Variants in TMBIM1 observed in about 807,000 individuals in gnomAD.
TMBIM1 encodes the protein transmembrane BAX inhibitor motif containing 1, also known as protein lifeguard 3.
TMBIM1 carries 34 observed loss-of-function variants against 45.1 expected under a neutral mutation model. The ratio of observed to expected loss-of-function variants is 0.75; its 90% CI spans 0.57 to 1.00. TMBIM1 has a LOEUF of 1.00. TMBIM1 is among the 50% of genes least tolerant of loss of function. The probability of loss-of-function intolerance (pLI) is 0.00; values close to 1 mark genes in which losing one functional copy is unlikely to be tolerated. For synonymous variants in TMBIM1, 157 were observed against 153.5 expected, an observed-to-expected ratio of 1.02 and a Z score of -0.17; for missense variants, 374 against 402.4, an observed-to-expected ratio of 0.93 and a Z score of 0.60.
At chr2:218,276,885 G>A (rs1459161837) in intron 10 of TMBIM1, 119 bp downstream of exon 10, 4 of 773,842 alleles carry the variant, frequency 5.2e-6, no homozygotes, top group South Asian at 1.6e-5. Flanking sequence ...CTAGCCAGTC[G>A]AGAGGTTCTG....
At position 218,275,308 on chromosome 2, in the gene TMBIM1, C is replaced by A; in HGVS notation, c.*167G>T. 1.2e-6 allele frequency: 1 copy of A among 846,012 alleles called. No individual in the cohort carries two copies. Among genetic ancestry groups the A allele is most frequent in the Admixed American group, 3.4e-5 (1 of 29,156 alleles). The allele number at this position is 846,012 out of a possible 1,614,324, so 52.4% of individuals were successfully genotyped here. A position where few individuals can be genotyped will look rare whatever the true frequency, so the allele number is the denominator to read the frequency against. ...AGCTCCTCCGTCCCCACCAAGTACCCACACATCCATAGCCAGAGAGGCCAC... is the reference window on the plus strand; with the variant it reads ...AGCTCCTCCGTCCCCACCAAGTACCAACACATCCATAGCCAGAGAGGCCAC... On this transcript the variant is annotated 3_prime_UTR_variant, in exon 12 of 12. Transcript: ENST00000258412.
At chr2:218,276,901 C>A in intron 10 of TMBIM1, 103 bp downstream of exon 10, 1 of 932,128 alleles carries the variant, frequency 1.1e-6, no homozygotes, top group South Asian at 1.4e-5. Flanking sequence ...TTCTGGAGGT[C>A]AGAGCCTGCC....
rs756427714 is a variant in TMBIM1 at position 218,277,118 on chromosome 2, G to A, written c.640-19C>T. 6.2e-7 allele frequency: 1 copy of A among 1,609,080 alleles called. No individual in the cohort carries two copies. The highest frequency in any genetic ancestry group is 8.5e-7 in the Non-Finnish European group (1 of 1,175,666). On this transcript the variant is annotated intron_variant, in intron 9 of 11. Coordinates refer to ENST00000258412, the MANE Select transcript of TMBIM1 (RefSeq NM_022152.6). ...AGTCCACCTGCCAGGAAGCAAGAAA[G>A]AGGCACCTGTCAGATGGCTGTGACA...
chr2:218,281,671 G>T (rs944473746), intron 2 of TMBIM1, among the ~76,000 whole-genome samples: 1 of 152,110 alleles, frequency 6.6e-6, no homozygotes, highest in Non-Finnish European at 1.5e-5. Flanking sequence ...TCATTACTTG[G>T]CCCAGCCCCA....
chr2:218,291,399 T>A (rs1692917066), intron 1 of TMBIM1, among the ~76,000 whole-genome samples: 1 of 152,198 alleles, frequency 6.6e-6, no homozygotes. Context: ...CTGCCACCAC[T>A]GGCCAGCCCA....
intron 3 of TMBIM1, 29 bp from the exon 4 acceptor site, chr2:218,279,382 C>T (rs375847815): frequency 2.6e-6 from 4 of 1,528,594 alleles, no homozygotes; most frequent in East Asian, 2.3e-5. Context: ...GCATGGGTCA[C>T]CATCCGGCAC....
At chr2:218,277,192 T>G (rs1691306637) in intron 9 of TMBIM1, 93 bp from the exon 10 acceptor site, 2 of 1,230,444 alleles carry the variant, frequency 1.6e-6, no homozygotes, top group Admixed American at 1.8e-5. Context: ...TGCTGCCTCC[T>G]AGGGGGTATG....
At chr2:218,284,619 G>A (rs1692353321) in intron 1 of TMBIM1, among the ~76,000 whole-genome samples, 1 of 152,208 alleles carries the variant, frequency 6.6e-6, no homozygotes, top group African/African-American at 2.4e-5. Flanking sequence ...AGGCCTGCCT[G>A]CACTGCACAC....
chr2:218,281,130 T>TGTTTTTTTTGTTTTG (rs1553658814), intron 2 of TMBIM1: 5 of 117,356 alleles, frequency 4.3e-5, no homozygotes, highest in East Asian at 2.6e-4. Flanking sequence ...TTGTTTTTTG[T>TGTTTTTTTTGTTTTG]TTTTTTTTTG....
intron 8 of TMBIM1, 23 bp from the exon 9 acceptor site, chr2:218,277,476 G>A: frequency 6.2e-7 from 1 of 1,613,416 alleles, no homozygotes; most frequent in Admixed American, 1.7e-5. Flanking sequence ...AGGAGTTACA[G>A]ACAAGAGGCA....
intron 2 of TMBIM1, among the ~76,000 whole-genome samples, chr2:218,281,451 A>T (rs1291893556): frequency 6.6e-6 from 1 of 152,120 alleles, no homozygotes; most frequent in East Asian, 1.9e-4. Flanking sequence ...CTCATTTCTG[A>T]CCAAACACAA....
rs1480535791 is a variant in TMBIM1, at chr2:218,277,572, G to A, written c.551+61C>T. ...ACCCACGCAGCTGGCTGCCGGCCCA[G>A]GAACACCCCACTCCCCACAATACAC... On this transcript the variant is annotated intron_variant, in intron 8 of 11. Coordinates refer to ENST00000258412, the MANE Select transcript of TMBIM1 (RefSeq NM_022152.6). The A allele has an allele frequency of 4.3e-6, 7 of 1,612,136 alleles. No homozygotes were observed. The African/African-American group carries it at 5.3e-5, about 12-fold the overall frequency.
intron 10 of TMBIM1, 25 bp from the exon 11 acceptor site, chr2:218,276,104 G>T (rs1406840906): frequency 1.2e-6 from 2 of 1,610,310 alleles, no homozygotes; most frequent in Non-Finnish European, 1.7e-6. Context: ...GACAGAGAAT[G>T]GCATTAGAAA....
Position 218,279,019 on chromosome 2 carries a change from C to G in TMBIM1, c.422+19G>C, listed in dbSNP as rs914683827. On this transcript the variant is annotated intron_variant, in intron 5 of 11. Transcript: ENST00000258412. Reference sequence around the variant, plus strand: ...CCACCCCTGCCTCCCTGCCCAACCACAGAGGAGCACACACTCACTAGGACA... The same window carrying G: ...CCACCCCTGCCTCCCTGCCCAACCAGAGAGGAGCACACACTCACTAGGACA... 6.2e-7 allele frequency: 1 copy of G among 1,613,916 alleles called. No individual in the cohort carries two copies. Among genetic ancestry groups the G allele is most frequent in the Non-Finnish European group, 8.5e-7 (1 of 1,179,936 alleles).
chr2:218,284,237 C>T (rs191503654), intron 1 of TMBIM1: 5 of 152,068 alleles, frequency 3.3e-5, no homozygotes, highest in Non-Finnish European at 7.3e-5. Flanking sequence ...GTCACCATGA[C>T]GTGTCCCAGC....
chr2:218,279,591 TG>T lies in TMBIM1; in HGVS notation c.304-239del, dbSNP rs572861889. 298 of 512,446 alleles carry T rather than the reference TG, an allele frequency of 5.8e-4. 5 individuals are homozygous for T. The South Asian group carries it at 7.9e-3, about 14-fold the overall frequency. The allele number at this position is 512,446 out of a possible 1,614,324, so 31.7% of individuals were successfully genotyped here. On this transcript the variant is annotated intron_variant, in intron 3 of 11. Coordinates refer to ENST00000258412, the MANE Select transcript of TMBIM1 (RefSeq NM_022152.6). ...ACACCAGCCTCGGTGACTACTGACTTGCCCTGCCTGGCCACCATACTCTACC... is the reference window on the plus strand; with the variant it reads ...ACACCAGCCTCGGTGACTACTGACTTCCCTGCCTGGCCACCATACTCTACC...
Position 218,279,354 on chromosome 2 carries a change from C to G in TMBIM1, c.304-1G>C. 1 of 1,572,290 alleles carries G rather than the reference C, an allele frequency of 6.4e-7. No homozygotes were observed. The highest frequency in any genetic ancestry group is 8.6e-7 in the Non-Finnish European group (1 of 1,159,896). ...GCTGCACGGAGATGATGGAGTAAACCTGGACACAGACGGCCGGGCATGGGT... is the reference window on the plus strand; with the variant it reads ...GCTGCACGGAGATGATGGAGTAAACGTGGACACAGACGGCCGGGCATGGGT... On this transcript the variant is annotated splice_acceptor_variant, in intron 3 of 11. Transcript: ENST00000258412. LOFTEE classifies it high-confidence loss of function.
chr2:218,283,038 C>A (rs1189520619), intron 1 of TMBIM1, among the ~76,000 whole-genome samples: 1 of 152,166 alleles, frequency 6.6e-6, no homozygotes, highest in African/African-American at 2.4e-5. Flanking sequence ...TTCTGAATCC[C>A]AGGCTCTCTG....
intron 1 of TMBIM1, among the ~76,000 whole-genome samples, chr2:218,291,090 C>T (rs1207797656): frequency 6.6e-6 from 1 of 152,166 alleles, no homozygotes; most frequent in African/African-American, 2.4e-5. Flanking sequence ...CACCCATTCC[C>T]AGGGGAGGAG....
Sources: gnomAD v4.1 joint callset for allele counts (sites outside exome capture counted in the v4.1 genomes callset) on GRCh38, gnomAD v4.1.1 for gene constraint, MANE v1.5 for transcripts, NCBI Gene and HGNC (gene_info 2026-07-23, HGNC 2026-07-21) for gene names.